OPCML: variants seen among roughly 807,000 people sequenced by gnomAD.
OPCML encodes opioid-binding protein/cell adhesion molecule.
OPCML carries 13 observed loss-of-function variants against 37.8 expected under a neutral mutation model. The observed-to-expected ratio is 0.34, with a 90% confidence interval of 0.22 to 0.55. The LOEUF is 0.55. Ranked by LOEUF, OPCML falls within the 20% of genes least tolerant of loss-of-function variation. OPCML has a pLI of 0.91. For synonymous variants in OPCML, 176 were observed against 168.8 expected (o/e 1.04, Z -0.33); for missense variants, 341 against 435.6 (o/e 0.78, Z 1.93).
chr11:133,510,941 C>T (rs1389736359), intron 1 of OPCML, among the ~76,000 whole-genome samples: 2 of 151,802 alleles, frequency 1.3e-5, no homozygotes, highest in Non-Finnish European at 2.9e-5. Flanking sequence ...CATTACAAAT[C>T]CAACTGCCTA....
At chr11:133,180,665 G>C (rs1937781874) in intron 1 of OPCML, among the ~76,000 whole-genome samples, 1 of 152,084 alleles carries the variant, frequency 6.6e-6, no homozygotes, top group Non-Finnish European at 1.5e-5. Context: ...GGGGCTGTGA[G>C]TAGGATGAGC....
intron 2 of OPCML, among the ~76,000 whole-genome samples, chr11:132,938,595 G>T (rs1021509545): frequency 3.3e-5 from 5 of 152,130 alleles, no homozygotes; most frequent in Non-Finnish European, 7.4e-5. Flanking sequence ...CTCTGATAAT[G>T]CAGACCAGTT....
At chr11:133,251,007 T>C (rs1241091523) in intron 1 of OPCML, among the ~76,000 whole-genome samples, 4 of 152,112 alleles carry the variant, frequency 2.6e-5, no homozygotes, top group Non-Finnish European at 5.9e-5. Context: ...TCCGGCATGC[T>C]GAGGGGAGAA....
chr11:132,725,782 A>G (rs1305280072), intron 2 of OPCML, among the ~76,000 whole-genome samples: 1 of 150,498 alleles, frequency 6.6e-6, no homozygotes, highest in Non-Finnish European at 1.5e-5. Context: ...CCATCTCAAA[A>G]AAAAAAAAAA....
At chr11:133,400,288 G>A (rs774556554) in intron 1 of OPCML, among the ~76,000 whole-genome samples, 8 of 152,162 alleles carry the variant, frequency 5.3e-5, no homozygotes, top group Non-Finnish European at 8.8e-5. Flanking sequence ...GCAATAAATC[G>A]TGTCCACTTG....
At chr11:132,424,796 G>A (rs2136670724) in intron 7 of OPCML, among the ~76,000 whole-genome samples, 1 of 152,292 alleles carries the variant, frequency 6.6e-6, no homozygotes, top group African/African-American at 2.4e-5. Flanking sequence ...ATGTGATCAT[G>A]GCAACTGCTG....
intron 1 of OPCML, among the ~76,000 whole-genome samples, chr11:133,154,930 T>C (rs2137200412): frequency 6.6e-6 from 1 of 152,290 alleles, no homozygotes; most frequent in Non-Finnish European, 1.5e-5. Context: ...ACCAGAACCG[T>C]TGCTTGTGTC....
chr11:132,836,616 C>T (rs1941014777), intron 2 of OPCML, among the ~76,000 whole-genome samples: 2 of 152,146 alleles, frequency 1.3e-5, no homozygotes, highest in Non-Finnish European at 2.9e-5. Flanking sequence ...AGCATGAGTC[C>T]TCTTTTCATC....
At chr11:132,480,663 C>T (rs901869218) in intron 4 of OPCML, among the ~76,000 whole-genome samples, 3 of 152,134 alleles carry the variant, frequency 2.0e-5, no homozygotes, top group Non-Finnish European at 4.4e-5. Flanking sequence ...AGACTAACAG[C>T]GGATCTCTTG....
chr11:133,464,766 G>A (rs1315499219), intron 1 of OPCML, among the ~76,000 whole-genome samples: 1 of 152,210 alleles, frequency 6.6e-6, no homozygotes, highest in Non-Finnish European at 1.5e-5. Flanking sequence ...ACCTAAGTGA[G>A]AGGTAACAGT....
intron 4 of OPCML, among the ~76,000 whole-genome samples, chr11:132,439,225 A>G (rs1285394380): frequency 6.6e-6 from 1 of 152,110 alleles, no homozygotes; most frequent in East Asian, 1.9e-4. Flanking sequence ...TGCAGGGTGA[A>G]AGATCCCCAG....
chr11:132,769,991 G>A (rs1324318462), intron 2 of OPCML, among the ~76,000 whole-genome samples: 1 of 152,182 alleles, frequency 6.6e-6, no homozygotes, highest in Non-Finnish European at 1.5e-5. Flanking sequence ...CTGGGGTTGT[G>A]TGCTGAGTGC....
intron 1 of OPCML, among the ~76,000 whole-genome samples, chr11:133,419,835 T>A (rs1281415602): frequency 6.6e-6 from 1 of 152,244 alleles, no homozygotes; most frequent in Non-Finnish European, 1.5e-5. Flanking sequence ...GGAAATATTG[T>A]TTGACTATTC....
chr11:133,263,330 T>A (rs1051481743), intron 1 of OPCML, among the ~76,000 whole-genome samples: 2 of 152,128 alleles, frequency 1.3e-5, no homozygotes, highest in Admixed American at 1.3e-4. Context: ...CCCATAAGAT[T>A]ATATACTGTA....
In OPCML at chr11:132,484,850, T is replaced by C. The variant is rs549463635; in HGVS notation, c.505+44211A>G. ...ACCAAACGCTGCATATTCTCACTCA[T>C]AGGTGGGAATTGAACAATGAGAACA... On this transcript the variant is annotated intron_variant, in intron 4 of 7. Transcript: ENST00000524381. Among the ~76,000 whole-genome samples the C allele has an allele frequency of 9.4e-3, 1,434 of 152,162 alleles. 1 individual carries two copies. The highest frequency in any genetic ancestry group is 0.032 in the African/African-American group (1,330 of 41,498).
At chr11:133,464,444 A>T (rs1049416064) in intron 1 of OPCML, among the ~76,000 whole-genome samples, 3 of 152,198 alleles carry the variant, frequency 2.0e-5, no homozygotes. Flanking sequence ...GTTTGAGAAG[A>T]GAAATGTGGG....
At chr11:132,442,542 C>T (rs1381540424) in intron 4 of OPCML, among the ~76,000 whole-genome samples, 21 of 152,184 alleles carry the variant, frequency 1.4e-4, no homozygotes, top group Non-Finnish European at 4.4e-5. Flanking sequence ...GACAAAATAT[C>T]TTATCTTCTC....
chr11:133,170,583 A>C (rs1463924523), intron 1 of OPCML, among the ~76,000 whole-genome samples: 1 of 152,076 alleles, frequency 6.6e-6, no homozygotes, highest in Non-Finnish European at 1.5e-5. Context: ...AGTGGGGGTT[A>C]GCTTCTCCAG....
intron 2 of OPCML, among the ~76,000 whole-genome samples, chr11:132,913,080 C>A (rs1944482686): frequency 6.6e-6 from 1 of 152,218 alleles, no homozygotes; most frequent in Admixed American, 6.5e-5. Flanking sequence ...CATATTACCA[C>A]AATCTCCTAT....
Sources: gnomAD v4.1 joint callset for allele counts (sites outside exome capture counted in the v4.1 genomes callset) on GRCh38, gnomAD v4.1.1 for gene constraint, MANE v1.5 for transcripts, NCBI Gene and HGNC (gene_info 2026-07-23, HGNC 2026-07-21) for gene names.